The following CYP3A43 variants were observed in gnomAD, a reference collection of about 807,000 sequenced individuals.
CYP3A43 encodes the protein cytochrome P450 3A43.
In CYP3A43, 45 loss-of-function variants were observed where a neutral mutation model predicts 58.0. The ratio of observed to expected loss-of-function variants is 0.78; its 90% CI spans 0.61 to 0.99. CYP3A43 has a LOEUF of 0.99. CYP3A43 is among the 50% of genes least tolerant of loss of function. The pLI is 0.00. For synonymous variants in CYP3A43, 191 were observed against 201.4 expected (o/e 0.95, Z 0.44); for missense variants, 593 against 591.9 (o/e 1.00, Z -0.02).
intron 7 of CYP3A43, among the ~76,000 whole-genome samples, chr7:99,851,120 G>A (rs1031760380): frequency 4.6e-5 from 7 of 150,700 alleles, no homozygotes; most frequent in South Asian, 4.2e-4. Context: ...AGCTGAGATC[G>A]CACCACTGCA....
rs566519299 is a variant in CYP3A43, at chr7:99,850,174, C to T, written c.670+480C>T. 4.6e-3 allele frequency: 1,497 copies of T among 325,006 alleles called. 7 individuals carry two copies. Among genetic ancestry groups the T allele is most frequent in the Non-Finnish European group, 7.7e-3 (1,279 of 166,590 alleles). 20.1% of individuals were successfully genotyped at this position (325,006 alleles called of 1,614,324 possible). On this transcript the variant is annotated intron_variant, in intron 7 of 12. Coordinates refer to ENST00000354829, the MANE Select transcript of CYP3A43 (RefSeq NM_057095.3). ...GTTTTGCCATGTTGGTCAGGCTGGTCTCGAACCCCTAACCTCATGATCCGC... is the reference window on the plus strand; with the variant it reads ...GTTTTGCCATGTTGGTCAGGCTGGTTTCGAACCCCTAACCTCATGATCCGC...
At chr7:99,837,993 T>C (rs1467977601) in intron 2 of CYP3A43, among the ~76,000 whole-genome samples, 1 of 152,234 alleles carries the variant, frequency 6.6e-6, no homozygotes, top group African/African-American at 2.4e-5. Flanking sequence ...CATCCTTTTT[T>C]ACCCCCCGAA....
chr7:99,847,944 G>A, intron 5 of CYP3A43: 1 of 570,158 alleles, frequency 1.8e-6, no homozygotes, highest in Non-Finnish European at 3.1e-6. Context: ...TCTAGAGGCG[G>A]AGGTTGCAAT....
intron 6 of CYP3A43, among the ~76,000 whole-genome samples, chr7:99,849,235 C>G (rs963801242): frequency 6.6e-6 from 1 of 152,170 alleles, no homozygotes; most frequent in African/African-American, 2.4e-5. Flanking sequence ...CACCTTTTAC[C>G]ATCCACACTC....
At chr7:99,838,780 G>C in intron 2 of CYP3A43, 1 of 730,052 alleles carries the variant, frequency 1.4e-6, no homozygotes, top group Middle Eastern at 2.9e-4. Flanking sequence ...AGGAGTTCGA[G>C]ACCAGCTTTG....
intron 1 of CYP3A43, among the ~76,000 whole-genome samples, chr7:99,834,629 T>C (rs1451739276): frequency 6.6e-6 from 1 of 152,172 alleles, no homozygotes. Flanking sequence ...GAATAGACAG[T>C]GGAGGGAAAG....
chr7:99,858,575 G>A (rs1291986615), intron 9 of CYP3A43, among the ~76,000 whole-genome samples: 2 of 151,996 alleles, frequency 1.3e-5, no homozygotes, highest in Non-Finnish European at 2.9e-5. Context: ...GGATGGAATA[G>A]GCACTATGAA....
At chr7:99,856,299 A>G (rs1330122541) in intron 8 of CYP3A43, among the ~76,000 whole-genome samples, 1 of 152,198 alleles carries the variant, frequency 6.6e-6, no homozygotes, top group Non-Finnish European at 1.5e-5. Context: ...CCTGGAGACC[A>G]GCCCGATGAT....
At chr7:99,846,934 A>T (rs979403036) in intron 4 of CYP3A43, among the ~76,000 whole-genome samples, 1 of 152,182 alleles carries the variant, frequency 6.6e-6, no homozygotes, top group African/African-American at 2.4e-5. Flanking sequence ...CTGGGGGGAA[A>T]ATAAAAGAAA....
intron 4 of CYP3A43, among the ~76,000 whole-genome samples, chr7:99,847,260 A>G (rs1817571440): frequency 6.6e-6 from 1 of 151,978 alleles, no homozygotes; most frequent in Non-Finnish European, 1.5e-5. Flanking sequence ...GGATATAGTG[A>G]CTGGAAACCA....
In CYP3A43 at chr7:99,856,871, G is replaced by C. The variant is rs1305899914; in HGVS notation, c.837G>C (p.Gln279His). 6.2e-7 allele frequency: 1 copy of C among 1,613,920 alleles called. No homozygotes were observed. The highest frequency in any genetic ancestry group is 1.7e-5 in the Admixed American group (1 of 59,984). Residue 279 changes from glutamine (Q) to histidine (H), a missense_variant, in exon 9 of 13, where the codon CAG becomes CAC. By Grantham distance (24) the Gln-to-His change is conservative. Transcript: ENST00000354829. ...VDFFQQMIDS[Q>H]NSKETKSHKA... The stretch of plus-strand genomic sequence containing the variant: ...TCTTTCAACAGATGATCGACTCCCA[G>C]AATTCCAAAGAAACAAAGTCCCATA...
intron 3 of CYP3A43, among the ~76,000 whole-genome samples, chr7:99,839,986 G>A (rs1392486608): frequency 6.6e-6 from 1 of 152,154 alleles, no homozygotes; most frequent in African/African-American, 2.4e-5. Context: ...GGGTGACAAA[G>A]ATAAGGGAAG....
At chr7:99,848,059 C>A in intron 5 of CYP3A43, 107 bp from the exon 6 acceptor site, 1 of 1,083,782 alleles carries the variant, frequency 9.2e-7, no homozygotes, top group Non-Finnish European at 1.4e-6. Flanking sequence ...TCCTAGAGGA[C>A]ATGGTGAGTC....
Position 99,844,146 on chromosome 7 carries a change from G to A in CYP3A43, c.222G>A (p.Leu74=). ...AGCTCTGTTTTCCCCCACACAGGCT[G>A]TATGAGGGGCAACAGCCCATGCTGG... ...CNEKYGEMWG[L]YEGQQPMLVI... Residue 74 remains leucine, a synonymous_variant, in exon 4 of 13, where the codon CTG becomes CTA. Transcript: ENST00000354829. 2 of 1,613,318 alleles carry A rather than the reference G, an allele frequency of 1.2e-6. No individual in the cohort carries two copies. The highest frequency in any genetic ancestry group is 1.7e-6 in the Non-Finnish European group (2 of 1,179,678).
chr7:99,829,281 C>G (rs967560832), intron 1 of CYP3A43, among the ~76,000 whole-genome samples: 2 of 152,178 alleles, frequency 1.3e-5, no homozygotes, highest in African/African-American at 4.8e-5. Flanking sequence ...GAGCCAAACT[C>G]TGTACAATAC....
chr7:99,846,847 A>G (rs1817556583), intron 4 of CYP3A43, among the ~76,000 whole-genome samples: 1 of 152,216 alleles, frequency 6.6e-6, no homozygotes, highest in African/African-American at 2.4e-5. Context: ...AAGATGGAAG[A>G]AGGTTTCAAG....
At chr7:99,860,032 C>A in intron 10 of CYP3A43, 42 bp downstream of exon 10, 8 of 1,534,564 alleles carry the variant, frequency 5.2e-6, no homozygotes, top group South Asian at 1.3e-5. Context: ...GAAGGTGAAG[C>A]CTCAGCAAGA....
intron 1 of CYP3A43, 66 bp downstream of exon 1, chr7:99,828,252 T>A (rs1427156228): frequency 7.8e-7 from 1 of 1,281,904 alleles, no homozygotes; most frequent in African/African-American, 1.5e-5. Context: ...GGGCCCATCT[T>A]TTTCTTATTT....
rs552288876 is a variant in CYP3A43, at chr7:99,862,303, G to A, written c.1253+464G>A. Among the ~76,000 whole-genome samples, 151 of 152,236 alleles carry A rather than the reference G, an allele frequency of 9.9e-4. No homozygotes were observed. The Middle Eastern group carries it at 0.01, about 10-fold the overall frequency. ...GAATTTAGCACCACGTTTAGGACAT[G>A]TTTCCACATTCCTTTTTCTTTCAAC... On this transcript the variant is annotated intron_variant, in intron 11 of 12. Coordinates refer to ENST00000354829, the MANE Select transcript of CYP3A43 (RefSeq NM_057095.3).
Sources: allele counts gnomAD v4.1 joint callset (sites outside exome capture counted in the v4.1 genomes callset), GRCh38; gene constraint gnomAD v4.1.1; transcripts MANE v1.5; gene names NCBI Gene and HGNC (gene_info 2026-07-23, HGNC 2026-07-21).